Variants in DNM1L observed in about 807,000 individuals in gnomAD.
The protein encoded by DNM1L is dynamin-1-like protein.
In DNM1L, 33 loss-of-function variants were observed where a neutral mutation model predicts 92.8. The ratio of observed to expected loss-of-function variants is 0.36; its 90% CI spans 0.27 to 0.48. The LOEUF (loss-of-function observed/expected upper bound fraction) is 0.48. DNM1L is among the 20% of genes least tolerant of loss of function. The pLI is 0.99. For missense variants in DNM1L, 485 were observed against 888.8 expected, an observed-to-expected ratio of 0.55 and a Z score of 5.78; for synonymous variants, 284 against 305.0, an observed-to-expected ratio of 0.93 and a Z score of 0.72.
At chr12:32,718,003 A>AAT (rs555114168) in intron 6 of DNM1L, among the ~76,000 whole-genome samples, 2 of 109,818 alleles carry the variant, frequency 1.8e-5, no homozygotes, top group Non-Finnish European at 3.7e-5. Context: ...TAGTATATAT[A>AAT]ATATATATAG....
At chr12:32,686,854 C>G (rs10844287) in intron 1 of DNM1L, among the ~76,000 whole-genome samples, 21,775 of 151,778 alleles carry the variant, frequency 0.14, 1,605 homozygotes, top group Middle Eastern at 0.21. Flanking sequence ...TTTGCATTTC[C>G]CTAATGACTA....
At position 32,708,178 on chromosome 12, in the gene DNM1L, G is replaced by A. The variant is rs1352593144; in HGVS notation, c.323G>A (p.Arg108Gln). 2 of 1,604,618 alleles carry A rather than the reference G, an allele frequency of 1.2e-6. No homozygotes were observed. The highest frequency in any genetic ancestry group is 1.7e-5 in the Admixed American group (1 of 59,766). Reference sequence around the variant, plus strand: ...CTTTACACGGATTTTGATGAAATTCGACAAGAAATTGAAAATGAAACAGAA... The same window carrying A: ...CTTTACACGGATTTTGATGAAATTCAACAAGAAATTGAAAATGAAACAGAA... Reference protein sequence around the residue: ...NKLYTDFDEIRQEIENETERI... With the variant: ...NKLYTDFDEIQQEIENETERI... The change falls in exon 4 of 20, where the codon CGA becomes CAA. Residue 108 changes from arginine (R) to glutamine (Q), a missense_variant. By Grantham distance (43) the Arg-to-Gln change is conservative. This residue lies in a region of DNM1L where 159 missense variants were observed against 275.9 expected (regional missense o/e 0.58). Transcript: ENST00000549701.
intron 1 of DNM1L, among the ~76,000 whole-genome samples, chr12:32,694,927 T>C (rs967594167): frequency 5.3e-5 from 8 of 152,174 alleles, no homozygotes; most frequent in African/African-American, 1.9e-4. Context: ...ATTGCACACA[T>C]CGATAATGGG....
intron 1 of DNM1L, among the ~76,000 whole-genome samples, chr12:32,697,771 G>GA (rs202051793): frequency 1.2e-4 from 18 of 148,654 alleles, no homozygotes; most frequent in African/African-American, 3.2e-4. Flanking sequence ...TTCACCAGGA[G>GA]AAAAAAAAAT....
chr12:32,720,919 A>G, intron 8 of DNM1L, 124 bp downstream of exon 8: 1 of 1,260,660 alleles, frequency 7.9e-7, no homozygotes, highest in Non-Finnish European at 1.1e-6. Flanking sequence ...GGTTTCTTAT[A>G]TAGTAGGTTC....
At chr12:32,681,235 G>A (rs1951789114) in intron 1 of DNM1L, among the ~76,000 whole-genome samples, 1 of 152,092 alleles carries the variant, frequency 6.6e-6, no homozygotes, top group Non-Finnish European at 1.5e-5. Context: ...GATTTAATGA[G>A]GGTTATTTCC....
At chr12:32,701,363 C>CA (rs1952691499) in intron 1 of DNM1L, 52 bp from the exon 2 acceptor site, 1 of 1,539,828 alleles carries the variant, frequency 6.5e-7, no homozygotes, top group Non-Finnish European at 8.9e-7. Flanking sequence ...ATTGAATTAA[C>CA]AAAAAATGTG....
intron 6 of DNM1L, 144 bp from the exon 7 acceptor site, chr12:32,718,499 A>G (rs1953654791): frequency 9.8e-7 from 1 of 1,017,766 alleles, no homozygotes; most frequent in Admixed American, 2.1e-5. Context: ...AAGCACTGGT[A>G]AGTAAGGCAT....
chr12:32,720,750 T>G lies in DNM1L; in HGVS notation c.827T>G (p.Leu276Arg). The change falls in exon 8 of 20, where the codon CTG (leucine) becomes CGG (arginine). Residue 276 changes from leucine to arginine, a missense_variant. Transcript: ENST00000549701. ...YAFLQKKYPS[L>R]ANRNGTKYLA... is the part of the protein sequence containing the mutation. ...TTTCTTCAAAAGAAATATCCATCTC[T>G]GGCCAATAGAAATGGAACAAAGTAT... The G allele has an allele frequency of 6.2e-7, 1 of 1,613,898 alleles. No homozygotes were observed. The highest frequency in any genetic ancestry group is 8.5e-7 in the Non-Finnish European group (1 of 1,179,912).
At position 32,717,959 on chromosome 12, in the gene DNM1L, GTATA is replaced by G. The variant is rs1239704635; in HGVS notation, c.620-678_620-675del. Among the ~76,000 whole-genome samples the G allele has an allele frequency of 3.0e-5, 3 of 98,656 alleles. 1 individual carries two copies. Among genetic ancestry groups the G allele is most frequent in the African/African-American group, 4.6e-5 (1 of 21,740 alleles). 64.7% of individuals were successfully genotyped at this position (98,656 alleles called of 152,430 possible). A position where few individuals can be genotyped will look rare whatever the true frequency, so the allele number is the denominator to read the frequency against. On this transcript the variant is annotated intron_variant, in intron 6 of 19. Coordinates refer to ENST00000549701, the MANE Select transcript of DNM1L (RefSeq NM_012062.5). ...ATATATATAAAATATAGTATATATA[GTATA>G]TATATTATATATAGTATATATAGTA...
chr12:32,732,157 A>T (rs959427996), intron 12 of DNM1L, among the ~76,000 whole-genome samples: 3 of 152,168 alleles, frequency 2.0e-5, no homozygotes, highest in African/African-American at 7.2e-5. Context: ...TTCATATTTT[A>T]ATCATTGTTA....
intron 6 of DNM1L, among the ~76,000 whole-genome samples, chr12:32,716,742 G>GTGTATATA (rs1555120329): frequency 1.4e-5 from 2 of 139,188 alleles, no homozygotes; most frequent in African/African-American, 5.2e-5. Context: ...ACTATATATA[G>GTGTATATA]TATATATATA....
Position 32,738,250 on chromosome 12 carries a change from A to G in DNM1L, c.1675-14A>G, listed in dbSNP as rs754777778. On this transcript the variant is annotated splice_polypyrimidine_tract_variant and intron_variant, in intron 15 of 19. Transcript: ENST00000549701. ...TGCTTGTTAAATTGCATGTTTTAAC[A>G]TATCTTTTAACAGTTAATTCAGGAC... 3.7e-6 allele frequency: 6 copies of G among 1,613,494 alleles called. No individual in the cohort carries two copies. Among genetic ancestry groups the G allele is most frequent in the East Asian group, 4.5e-5 (2 of 44,752 alleles).
chr12:32,696,914 C>T (rs565008240), intron 1 of DNM1L, among the ~76,000 whole-genome samples: 13 of 151,314 alleles, frequency 8.6e-5, no homozygotes, highest in African/African-American at 3.1e-4. Context: ...CGTGAGCCAC[C>T]ACAACCGGGC....
chr12:32,708,358 T>G, intron 4 of DNM1L, 134 bp downstream of exon 4: 1 of 603,380 alleles, frequency 1.7e-6, no homozygotes. Context: ...GCGATGGACA[T>G]TGTAAATTCA....
intron 1 of DNM1L, among the ~76,000 whole-genome samples, chr12:32,691,813 C>T (rs1952246313): frequency 6.6e-6 from 1 of 152,050 alleles, no homozygotes; most frequent in East Asian, 1.9e-4. Context: ...AACGATAATC[C>T]TAACAGATAA....
intron 9 of DNM1L, among the ~76,000 whole-genome samples, chr12:32,729,430 C>T (rs1954393846): frequency 6.6e-6 from 1 of 152,128 alleles, no homozygotes; most frequent in Non-Finnish European, 1.5e-5. Flanking sequence ...CTCCCTCCAG[C>T]CCTGGTAACC....
At chr12:32,732,609 A>G (rs888523591) in intron 12 of DNM1L, 10 of 455,532 alleles carry the variant, frequency 2.2e-5, no homozygotes, top group Middle Eastern at 6.5e-4. Flanking sequence ...CATCCTTGGA[A>G]TGTAAGTGCT....
chr12:32,708,356 C>G (rs958282399), intron 4 of DNM1L, 132 bp downstream of exon 4: 1 of 605,672 alleles, frequency 1.7e-6, no homozygotes, highest in Non-Finnish European at 3.0e-6. Context: ...AAGCGATGGA[C>G]ATTGTAAATT....
Sources: gnomAD v4.1 joint callset for allele counts (sites outside exome capture counted in the v4.1 genomes callset) on GRCh38, gnomAD v4.1.1 for gene constraint, gnomAD v4.1.1 regional missense constraint, MANE v1.5 for transcripts, NCBI Gene and HGNC (gene_info 2026-07-23, HGNC 2026-07-21) for gene names.